The following PCDHA1 variants were observed in gnomAD, a reference collection of about 807,000 sequenced individuals.
PCDHA1 encodes the protein protocadherin alpha 1.
PCDHA1 carries 42 observed loss-of-function variants against 61.3 expected under a neutral mutation model. The observed-to-expected ratio is 0.69, with a 90% CI of 0.54 to 0.89. The LOEUF (loss-of-function observed/expected upper bound fraction) is 0.89, where lower values mean the gene tolerates loss of function less well. Among genes scored for constraint, PCDHA1 ranks in the 40% least tolerant of loss-of-function variants. The pLI, the probability that PCDHA1 is intolerant of heterozygous loss-of-function variation, is 0.00. For missense variants in PCDHA1, 1,256 were observed against 1,235.3 expected, an observed-to-expected ratio of 1.02 and a Z score of -0.25; for synonymous variants, 610 against 553.8, an observed-to-expected ratio of 1.10 and a Z score of -1.43.
chr5:140,872,711 G>A (rs968537483), intron 1 of PCDHA1, among the ~76,000 whole-genome samples: 1 of 152,206 alleles, frequency 6.6e-6, no homozygotes, highest in South Asian at 2.1e-4. Context: ...AAGGAAACTA[G>A]GTAAATAAAA....
In PCDHA1 at chr5:140,853,931, G is replaced by T. The variant is rs2042911351; in HGVS notation, c.2394+65247G>T. The T allele has an allele frequency of 3.5e-6, 3 of 868,826 alleles. No homozygotes were observed. The South Asian group carries it at 1.6e-4, about 45-fold the overall frequency. The allele number at this position is 868,826 out of a possible 1,614,324, so 53.8% of individuals were successfully genotyped here. A position where few individuals can be genotyped will look rare whatever the true frequency, so the allele number is the denominator to read the frequency against. ...CACCTGCAATCCCAACATTTTGGGA[G>T]GCCAAGGTGGGAGGGTCCCTTCCTT... On this transcript the variant is annotated intron_variant, in intron 1 of 3. Coordinates refer to ENST00000504120, the MANE Select transcript of PCDHA1 (RefSeq NM_018900.4).
rs116228766 is a variant in PCDHA1 at position 140,907,042 on chromosome 5, C to A, written c.2395-71907C>A. Among the ~76,000 whole-genome samples, 705 of 152,284 alleles carry A rather than the reference C, an allele frequency of 4.6e-3. 3 individuals carry two copies. The highest frequency in any genetic ancestry group is 0.016 in the African/African-American group (683 of 41,556). On this transcript the variant is annotated intron_variant, in intron 1 of 3. Coordinates refer to ENST00000504120, the MANE Select transcript of PCDHA1 (RefSeq NM_018900.4). The stretch of plus-strand genomic sequence containing the variant: ...CCAGCAGAACATAATGTCACAGGGA[C>A]AGTAAGCAAAAATTTTACTAGTGGG...
chr5:140,822,338 C>G, intron 1 of PCDHA1: 1 of 1,614,052 alleles, frequency 6.2e-7, no homozygotes, highest in Non-Finnish European at 8.5e-7. Flanking sequence ...GAAGAAGAAA[C>G]GAACTTTTTA....
intron 1 of PCDHA1, chr5:140,866,875 A>C (rs2049624381): frequency 6.6e-6 from 1 of 152,142 alleles, no homozygotes; most frequent in Admixed American, 6.5e-5. Flanking sequence ...ACTTCTTGGT[A>C]TTAGCCTATA....
intron 1 of PCDHA1, chr5:140,817,273 C>T (rs1554127237): frequency 6.6e-6 from 1 of 152,292 alleles, no homozygotes; most frequent in African/African-American, 2.4e-5. Flanking sequence ...TTGAATGGAA[C>T]TGTGCTGCTG....
At position 140,842,838 on chromosome 5, in the gene PCDHA1, G is replaced by A. The variant is rs1265674507; in HGVS notation, c.2394+54154G>A. 6.3e-7 allele frequency: 1 copy of A among 1,593,906 alleles called. No homozygotes were observed. Among genetic ancestry groups the A allele is most frequent in the South Asian group, 1.1e-5 (1 of 90,422 alleles). ...CGGGTGGGCGAGCGCTCGCTGTCGAGCTACATTTCGGTGCACACGGAGAGC... is the reference window on the plus strand; with the variant it reads ...CGGGTGGGCGAGCGCTCGCTGTCGAACTACATTTCGGTGCACACGGAGAGC... On this transcript the variant is annotated intron_variant, in intron 1 of 3. Transcript: ENST00000504120.
intron 1 of PCDHA1, among the ~76,000 whole-genome samples, chr5:140,941,906 GC>G: frequency 6.6e-6 from 1 of 152,248 alleles, no homozygotes; most frequent in South Asian, 2.1e-4. Context: ...ACATTGAAAT[GC>G]TTTTATGTAT....
At chr5:140,903,917 T>C (rs2070714744) in intron 1 of PCDHA1, among the ~76,000 whole-genome samples, 1 of 152,258 alleles carries the variant, frequency 6.6e-6, no homozygotes, top group Non-Finnish European at 1.5e-5. Flanking sequence ...GTGACTTCCT[T>C]GCTGCATTGG....
chr5:140,927,733 C>T (rs782446148), intron 1 of PCDHA1: 7 of 1,614,198 alleles, frequency 4.3e-6, no homozygotes, highest in South Asian at 2.2e-5. Context: ...AGCAGAGCTG[C>T]GACACCGCTT....
At chr5:140,807,116 C>T in intron 1 of PCDHA1, 1 of 1,524,550 alleles carries the variant, frequency 6.6e-7, no homozygotes, top group Non-Finnish European at 8.9e-7. Flanking sequence ...CTGCACTTGA[C>T]TGACCGATTA....
intron 1 of PCDHA1, chr5:140,843,660 T>C (rs2150364651): frequency 6.3e-7 from 1 of 1,594,154 alleles, no homozygotes; most frequent in Non-Finnish European, 8.6e-7. Flanking sequence ...CCTCCTGATC[T>C]GGGATCAGTT....
intron 1 of PCDHA1, chr5:140,829,960 C>T: frequency 1.2e-6 from 2 of 1,613,984 alleles, no homozygotes; most frequent in South Asian, 1.1e-5. Flanking sequence ...TCCCGTTTCG[C>T]GTGGGGCTGT....
At position 140,842,264 on chromosome 5, in the gene PCDHA1, T is replaced by G; in HGVS notation, c.2394+53580T>G. The G allele has an allele frequency of 1.9e-6, 3 of 1,610,762 alleles. No homozygotes were observed. The South Asian group carries it at 3.3e-5, about 18-fold the overall frequency. Reference sequence around the variant, plus strand: ...TAATTTGGATTTTGAACAAGAAAACTTATACAAAATCCTCATTGACGCCAC... The same window carrying G: ...TAATTTGGATTTTGAACAAGAAAACGTATACAAAATCCTCATTGACGCCAC... On this transcript the variant is annotated intron_variant, in intron 1 of 3. Transcript: ENST00000504120.
intron 3 of PCDHA1, among the ~76,000 whole-genome samples, chr5:140,982,826 T>C (rs193172264): frequency 1.1e-3 from 157 of 141,010 alleles, no homozygotes; most frequent in African/African-American, 3.0e-3. Context: ...GTTTTTGGGG[T>C]TTGTTTGTTT....
chr5:140,804,869 T>C, intron 1 of PCDHA1: 3 of 569,386 alleles, frequency 5.3e-6, no homozygotes, highest in Non-Finnish European at 8.7e-6. Flanking sequence ...AAAATAGATA[T>C]TTTTCTTGAC....
intron 3 of PCDHA1, among the ~76,000 whole-genome samples, chr5:140,983,792 ATG>A (rs1384223147): frequency 6.6e-6 from 1 of 152,212 alleles, no homozygotes; most frequent in Non-Finnish European, 1.5e-5. Context: ...AGATGACAGA[ATG>A]TGTGTGTAAA....
chr5:140,861,018 C>T (rs1263823889), intron 1 of PCDHA1: 1 of 152,248 alleles, frequency 6.6e-6, no homozygotes, highest in South Asian at 2.1e-4. Context: ...CGAGTGCCAC[C>T]GCACCCGGCC....
chr5:140,882,836 T>C (rs782210486), intron 1 of PCDHA1: 1 of 1,614,226 alleles, frequency 6.2e-7, no homozygotes, highest in South Asian at 1.1e-5. Flanking sequence ...TGAGCAAATG[T>C]CTTCATTATC....
At chr5:140,993,883 A>G (rs1256857317) in intron 3 of PCDHA1, among the ~76,000 whole-genome samples, 1 of 152,228 alleles carries the variant, frequency 6.6e-6, no homozygotes, top group East Asian at 1.9e-4. Flanking sequence ...AGTACGCTCT[A>G]TGATGTCCAT....
Sources: gnomAD v4.1 joint callset for allele counts (sites outside exome capture counted in the v4.1 genomes callset) on GRCh38, gnomAD v4.1.1 for gene constraint, MANE v1.5 for transcripts, NCBI Gene and HGNC (gene_info 2026-07-23, HGNC 2026-07-21) for gene names.